The following ZNF518A variants were observed in gnomAD, a reference collection of about 807,000 sequenced individuals.
ZNF518A encodes zinc finger protein 518.
ZNF518A carries 47 observed loss-of-function variants against 102.7 expected under a neutral mutation model. That is an observed-to-expected ratio of 0.46 (90% CI 0.36 to 0.58). The LOEUF is 0.58. ZNF518A is among the 20% of genes least tolerant of loss of function. The probability of loss-of-function intolerance (pLI) is 0.00; values close to 1 mark genes in which losing one functional copy is unlikely to be tolerated. For missense variants in ZNF518A, 1,793 were observed against 1,699.8 expected (o/e 1.05, Z -0.96); for synonymous variants, 652 against 594.6 (o/e 1.10, Z -1.40).
chr10:96,182,686 A>T lies in ZNF518A; in HGVS notation n.36-20888A>T, dbSNP rs190284486. ...TCCCACGTATGAAGCCAACTTGATCATGGTGGATAAGCTTTTTGATGTGCT... is the reference window on the plus strand; with the variant it reads ...TCCCACGTATGAAGCCAACTTGATCTTGGTGGATAAGCTTTTTGATGTGCT... On this transcript the variant is annotated intron_variant and non_coding_transcript_variant, in intron 1 of 2. Transcript: ENST00000442635. Among the ~76,000 whole-genome samples, 1,017 of 152,294 alleles carry T rather than the reference A, an allele frequency of 6.7e-3. 12 individuals are homozygous for T. The highest frequency in any genetic ancestry group is 0.022 in the African/African-American group (917 of 41,556).
chr10:96,165,616 C>T (rs1345059259), downstream of ZNF518A, among the ~76,000 whole-genome samples: 1 of 152,100 alleles, frequency 6.6e-6, no homozygotes, highest in Non-Finnish European at 1.5e-5. Context: ...CCCCCATTAC[C>T]CTCTTCCTCT....
Position 96,158,611 on chromosome 10 carries a change from A to G in ZNF518A, c.2289A>G (p.Arg763=). The change falls in exon 6 of 6, where the codon AGA becomes AGG. Residue 763 remains arginine, a synonymous_variant. Transcript: ENST00000316045. ...ATGTCGATTCACCTATGATGCCTAGAATCACATCTGTTTTCTCTCTCCAGA... is the reference window on the plus strand; with the variant it reads ...ATGTCGATTCACCTATGATGCCTAGGATCACATCTGTTTTCTCTCTCCAGA... The part of the protein sequence containing the change: ...FSNVDSPMMP[R]ITSVFSLQSQ... The G allele has an allele frequency of 1.9e-6, 3 of 1,613,426 alleles. No individual in the cohort carries two copies. Among genetic ancestry groups the G allele is most frequent in the Non-Finnish European group, 2.5e-6 (3 of 1,179,670 alleles).
intron 1 of ZNF518A, among the ~76,000 whole-genome samples, chr10:96,131,105 C>A (rs762303517): frequency 3.9e-5 from 6 of 152,086 alleles, no homozygotes; most frequent in African/African-American, 7.2e-5. Flanking sequence ...GTCTAAAAAA[C>A]CCTAGAAAAA....
rs1554895720 is a variant in ZNF518A, at chr10:96,200,094, G to A, written n.36-3480G>A. 1.2e-6 allele frequency: 2 copies of A among 1,613,792 alleles called. No individual in the cohort carries two copies. The highest frequency in any genetic ancestry group is 8.5e-7 in the Non-Finnish European group (1 of 1,179,740). ...TCAGACCTTGTTTGATCTGTGCAATGCCTCTTCAGCAGACTTTCGATCACA... is the reference window on the plus strand; with the variant it reads ...TCAGACCTTGTTTGATCTGTGCAATACCTCTTCAGCAGACTTTCGATCACA... On this transcript the variant is annotated intron_variant and non_coding_transcript_variant, in intron 1 of 2. Coordinates refer to the ZNF518A transcript ENST00000442635. The surrounding 1 kb of genome is among the most constrained non-coding windows in gnomAD (Gnocchi z 4.3).
chr10:96,148,682 C>T (rs1256796740), intron 3 of ZNF518A, among the ~76,000 whole-genome samples: 6 of 152,140 alleles, frequency 3.9e-5, no homozygotes, highest in African/African-American at 1.4e-4. Context: ...GGGCCAGGCA[C>T]CAGAATCTGG....
chr10:96,190,920 C>T (rs2083317785), intron 1 of ZNF518A, among the ~76,000 whole-genome samples: 1 of 152,208 alleles, frequency 6.6e-6, no homozygotes, highest in Non-Finnish European at 1.5e-5. Context: ...TCTAGCTTTG[C>T]TGTCATTCCA....
Position 96,160,429 on chromosome 10 carries a change from A to G in ZNF518A, c.4107A>G (p.Lys1369=), listed in dbSNP as rs781798507. The change falls in exon 6 of 6, where the codon AAA becomes AAG. Residue 1369 remains lysine (K), a synonymous_variant. Transcript: ENST00000316045. The part of the protein sequence containing the change: ...EVVSVMKTIA[K]FNGHVLKVSL... ...TAAGTGTAATGAAAACTATTGCTAAATTTAATGGACATGTACTTAAGGTTT... is the reference window on the plus strand; with the variant it reads ...TAAGTGTAATGAAAACTATTGCTAAGTTTAATGGACATGTACTTAAGGTTT... 6.2e-7 allele frequency: 1 copy of G among 1,613,158 alleles called. No individual in the cohort carries two copies.
intron 3 of ZNF518A, chr10:96,135,401 T>C (rs1344529209): frequency 4.6e-5 from 7 of 152,230 alleles, no homozygotes; most frequent in Non-Finnish European, 8.8e-5. Context: ...CAGCAGAAAG[T>C]GTTCTGATGA....
chr10:96,158,298 T>C lies in ZNF518A; in HGVS notation c.1976T>C (p.Val659Ala), dbSNP rs1554884468. The change falls in exon 6 of 6, where the codon GTG becomes GCG. Residue 659 changes from valine (V) to alanine (A), a missense_variant. Coordinates refer to ENST00000316045, the MANE Select transcript of ZNF518A (RefSeq NM_001330736.2). ...NKRRRFSGTA[V>A]YENPQRESSS... ...CGTCGTAGGTTTTCAGGAACAGCAG[T>C]GTATGAAAACCCTCAAAGAGAATCT... 1 of 1,613,684 alleles carries C rather than the reference T, an allele frequency of 6.2e-7. No individual in the cohort carries two copies. Among genetic ancestry groups the C allele is most frequent in the Non-Finnish European group, 8.5e-7 (1 of 1,179,718 alleles).
At position 96,157,550 on chromosome 10, in the gene ZNF518A, G is replaced by A. The variant is rs61731065; in HGVS notation, c.1228G>A (p.Ala410Thr). The change falls in exon 6 of 6, where the codon GCT (alanine) becomes ACT (threonine). Residue 410 changes from alanine (A) to threonine (T), a missense_variant. Around this residue, in one of 3 missense-constraint regions of ZNF518A, gnomAD observed 1,741 missense variants for 1,622.6 expected, o/e 1.07. Coordinates refer to ENST00000316045, the MANE Select transcript of ZNF518A (RefSeq NM_001330736.2). ...TAATAGAGCTGAAGAGGGACCAAAC[G>A]CTAGTTCAGGTTTCATGAAGACTGC... The part of the protein sequence containing the change: ...QGNRAEEGPN[A>T]SSGFMKTAVL... 11,954 of 1,613,804 alleles carry A rather than the reference G, an allele frequency of 7.4e-3. 67 individuals are homozygous for A. Among genetic ancestry groups the A allele is most frequent in the Middle Eastern group, 0.012 (71 of 6,062 alleles).
intron 1 of ZNF518A, among the ~76,000 whole-genome samples, chr10:96,195,706 G>T (rs2083448203): frequency 6.6e-6 from 1 of 152,158 alleles, no homozygotes. Flanking sequence ...TCTATAAGAT[G>T]AACAAGTTCT....
At chr10:96,165,730 G>GGT (rs1396702523), downstream of ZNF518A, among the ~76,000 whole-genome samples, 1 of 152,122 alleles carries the variant, frequency 6.6e-6, no homozygotes, top group African/African-American at 2.4e-5. Context: ...AAGGTACAGA[G>GGT]GTTCTGTTCA....
In ZNF518A at chr10:96,132,934, GAAACCCTTCTGTTCCC is replaced by G. The variant is rs375835739; in HGVS notation, c.-368+267_-368+282del. On this transcript the variant is annotated intron_variant, in intron 2 of 5. Coordinates refer to ENST00000316045, the MANE Select transcript of ZNF518A (RefSeq NM_001330736.2). ...TAAAAAAGAAAAAGAAAAAAAGAAT[GAAACCCTTCTGTTCCC>G]AAGCATTTCAAATAAGAGACACTCA... The G allele has an allele frequency of 2.6e-4, 39 of 152,140 alleles. 1 individual carries two copies. The East Asian group carries it at 7.2e-3, about 28-fold the overall frequency. 9.4% of individuals were successfully genotyped at this position (152,140 alleles called of 1,614,324 possible).
chr10:96,174,572 T>A (rs191835248), intron 1 of ZNF518A, among the ~76,000 whole-genome samples: 7 of 152,050 alleles, frequency 4.6e-5, no homozygotes, highest in African/African-American at 9.7e-5. Context: ...AATTGACAAA[T>A]TCCTAGAAAG....
At chr10:96,202,665 A>T (rs2083676460) in intron 1 of ZNF518A, among the ~76,000 whole-genome samples, 1 of 152,108 alleles carries the variant, frequency 6.6e-6, no homozygotes, top group Non-Finnish European at 1.5e-5. Context: ...AAAAGGAAGG[A>T]TGTATTCTAA....
intron 1 of ZNF518A, chr10:96,192,091 T>C: frequency 6.2e-7 from 1 of 1,613,610 alleles, no homozygotes; most frequent in East Asian, 2.2e-5. Flanking sequence ...ACTTCCAAAG[T>C]ACTAGAGGAA....
chr10:96,198,629 T>C (rs587709301), intron 1 of ZNF518A, among the ~76,000 whole-genome samples: 2 of 152,272 alleles, frequency 1.3e-5, no homozygotes, highest in African/African-American at 2.4e-5. Context: ...CAAACTCAAA[T>C]TAAGGATTTT....
intron 1 of ZNF518A, among the ~76,000 whole-genome samples, chr10:96,178,629 C>T (rs2083220070): frequency 6.6e-6 from 1 of 151,746 alleles, no homozygotes; most frequent in Admixed American, 6.6e-5. Context: ...GAGTAGAAAA[C>T]AGACAAACAA....
rs2082998520 is a variant in ZNF518A at position 96,161,496 on chromosome 10, T to C, written c.*722T>C. On this transcript the variant is annotated 3_prime_UTR_variant, in exon 6 of 6. Coordinates refer to ENST00000316045, the MANE Select transcript of ZNF518A (RefSeq NM_001330736.2). ...GCAGCTTCAAGAGAAGAATTTAAAC[T>C]CTTTGTCTCATTGAAAGTTTGGTTA... 1 of 166,816 alleles carries C rather than the reference T, an allele frequency of 6.0e-6. No individual in the cohort carries two copies. Among genetic ancestry groups the C allele is most frequent in the African/African-American group, 2.4e-5 (1 of 41,448 alleles). 10.3% of individuals were successfully genotyped at this position (166,816 alleles called of 1,614,324 possible). A position where few individuals can be genotyped will look rare whatever the true frequency, so the allele number is the denominator to read the frequency against.
Sources: allele counts gnomAD v4.1 joint callset (sites outside exome capture counted in the v4.1 genomes callset), GRCh38; gene constraint gnomAD v4.1.1; regional missense constraint gnomAD v4.1.1; non-coding constraint Gnocchi (gnomAD v3.1); transcripts MANE v1.5; gene names NCBI Gene and HGNC (gene_info 2026-07-23, HGNC 2026-07-21).